The following VPS13B variants were observed in gnomAD, a reference collection of about 807,000 sequenced individuals.
VPS13B encodes intermembrane lipid transfer protein VPS13B.
A neutral mutation model predicts 426.4 loss-of-function variants in VPS13B; 285 were observed. The ratio of observed to expected loss-of-function variants is 0.67; its 90% CI spans 0.61 to 0.74. VPS13B has a LOEUF of 0.74. VPS13B is among the 30% of genes least tolerant of loss of function. The pLI, the probability that VPS13B is intolerant of heterozygous loss-of-function variation, is 0.00. For missense variants in VPS13B, 4,537 were observed against 4,782.6 expected (o/e 0.95, Z 1.51); for synonymous variants, 1,676 against 1,676.4 (o/e 1.00, Z 0.01).
At chr8:99,504,328 C>A (rs776272499) in intron 27 of VPS13B, among the ~76,000 whole-genome samples, 17 of 152,164 alleles carry the variant, frequency 1.1e-4, no homozygotes, top group Admixed American at 3.3e-4. Flanking sequence ...GCCAAATAAA[C>A]CTCTTTCCTT....
intron 19 of VPS13B, among the ~76,000 whole-genome samples, chr8:99,312,468 A>C (rs199717733): frequency 2.2e-4 from 34 of 152,114 alleles, no homozygotes; most frequent in Admixed American, 1.4e-3. Flanking sequence ...GTTGAAAATT[A>C]TTTTCTTTAA....
At chr8:99,127,974 A>G (rs1809522558) in intron 8 of VPS13B, among the ~76,000 whole-genome samples, 1 of 152,162 alleles carries the variant, frequency 6.6e-6, no homozygotes, top group Non-Finnish European at 1.5e-5. Context: ...ATTAATGTAT[A>G]TGAAGAACAT....
chr8:99,547,555 A>G (rs536728185), intron 30 of VPS13B, among the ~76,000 whole-genome samples: 3 of 152,202 alleles, frequency 2.0e-5, no homozygotes, highest in South Asian at 4.2e-4. Flanking sequence ...AAATGGTTCA[A>G]CATGAGCTGT....
intron 5 of VPS13B, among the ~76,000 whole-genome samples, chr8:99,104,399 G>C (rs1390413358): frequency 6.6e-6 from 1 of 152,164 alleles, no homozygotes; most frequent in Admixed American, 6.5e-5. Flanking sequence ...ATGATATTTA[G>C]TTTGAATTGT....
chr8:99,431,370 C>G (rs537261626), intron 21 of VPS13B, among the ~76,000 whole-genome samples, 167 bp from the exon 22 acceptor site: 1 of 152,026 alleles, frequency 6.6e-6, no homozygotes, highest in Non-Finnish European at 1.5e-5. Context: ...TGAATACTTG[C>G]AAAAATCAGT....
At chr8:99,640,007 T>TAAGAAGAAGAAG (rs1212185455) in intron 33 of VPS13B, among the ~76,000 whole-genome samples, 12 of 76,252 alleles carry the variant, frequency 1.6e-4, no homozygotes, top group African/African-American at 5.0e-4. Flanking sequence ...ATAATAATAA[T>TAAGAAGAAGAAG]AATAATAATA....
chr8:99,448,488 A>C (rs1347977449), intron 23 of VPS13B, among the ~76,000 whole-genome samples: 1 of 152,190 alleles, frequency 6.6e-6, no homozygotes, highest in Non-Finnish European at 1.5e-5. Context: ...AATGGTGTTT[A>C]TAAAAATATT....
chr8:99,678,239 C>T (rs941416132), intron 35 of VPS13B, among the ~76,000 whole-genome samples: 2 of 152,276 alleles, frequency 1.3e-5, no homozygotes, highest in Middle Eastern at 3.4e-3. Flanking sequence ...CTACCATCTT[C>T]AGGCCATTCT....
chr8:99,236,871 C>CA (rs1446779407), intron 17 of VPS13B, among the ~76,000 whole-genome samples: 3 of 152,148 alleles, frequency 2.0e-5, no homozygotes, highest in Non-Finnish European at 1.5e-5. Context: ...AAAGTAGTTT[C>CA]AAAAATTCCA....
chr8:99,286,934 A>C (rs4493885), intron 19 of VPS13B, among the ~76,000 whole-genome samples: 125,395 of 152,058 alleles, frequency 0.82, 52,210 homozygotes, highest in South Asian at 0.89. Context: ...TAATTCTGGG[A>C]TAATTCTGTT....
intron 40 of VPS13B, among the ~76,000 whole-genome samples, chr8:99,769,013 C>T (rs941993115): frequency 2.2e-4 from 33 of 152,050 alleles, no homozygotes; most frequent in Non-Finnish European, 3.8e-4. Context: ...AAAGCTAATG[C>T]CTCTGAATCT....
chr8:99,413,840 C>T (rs1295283859), intron 21 of VPS13B, among the ~76,000 whole-genome samples: 1 of 152,242 alleles, frequency 6.6e-6, no homozygotes, highest in East Asian at 1.9e-4. Context: ...GAGTGTTTTA[C>T]ACCCAGTTAT....
intron 19 of VPS13B, among the ~76,000 whole-genome samples, chr8:99,380,876 C>CT (rs796801783): frequency 0.011 from 1,511 of 132,236 alleles, 21 homozygotes; most frequent in East Asian, 0.028. Flanking sequence ...CTTTTTCTTT[C>CT]TTTTTTTTTT....
intron 19 of VPS13B, among the ~76,000 whole-genome samples, chr8:99,305,724 G>A (rs965159916): frequency 2.6e-5 from 4 of 152,046 alleles, no homozygotes; most frequent in African/African-American, 9.7e-5. Context: ...AAAATCTTTG[G>A]TAAAAGTTAC....
At chr8:99,102,607 TAATAC>T (rs1846816323) in intron 4 of VPS13B, among the ~76,000 whole-genome samples, 1 of 152,198 alleles carries the variant, frequency 6.6e-6, no homozygotes, top group Non-Finnish European at 1.5e-5. Context: ...AATGTTTATA[TAATAC>T]AATAAGCAAA....
At chr8:99,507,998 G>C in intron 28 of VPS13B, 2 of 1,587,186 alleles carry the variant, frequency 1.3e-6, no homozygotes, top group Non-Finnish European at 1.7e-6. Context: ...GTCAACTCTT[G>C]ATTTGTGTTT....
intron 25 of VPS13B, among the ~76,000 whole-genome samples, chr8:99,483,327 G>A (rs1820140431): frequency 6.6e-6 from 1 of 151,970 alleles, no homozygotes; most frequent in African/African-American, 2.4e-5. Flanking sequence ...CTAGAAATGA[G>A]CCTGTATCAA....
intron 34 of VPS13B, among the ~76,000 whole-genome samples, chr8:99,650,531 G>A (rs1188505583): frequency 6.6e-6 from 1 of 152,188 alleles, no homozygotes; most frequent in Admixed American, 6.5e-5. Flanking sequence ...AAGATCCCCA[G>A]TGGGGCCTCA....
intron 37 of VPS13B, 60 bp from the exon 38 acceptor site, chr8:99,720,285 A>T: frequency 7.6e-7 from 1 of 1,308,408 alleles, no homozygotes; most frequent in Non-Finnish European, 1.1e-6. Context: ...GATTATACCT[A>T]ATTAGTCTCA....
Sources: gnomAD v4.1 joint callset for allele counts (sites outside exome capture counted in the v4.1 genomes callset) on GRCh38, gnomAD v4.1.1 for gene constraint, MANE v1.5 for transcripts, NCBI Gene and HGNC (gene_info 2026-07-23, HGNC 2026-07-21) for gene names.